The following GXYLT1 variants were observed in gnomAD, a reference collection of about 807,000 sequenced individuals.
GXYLT1 encodes glucoside xylosyltransferase 1.
In GXYLT1, 29 loss-of-function variants were observed where a neutral mutation model predicts 54.0. The observed-to-expected ratio is 0.54, with a 90% CI of 0.40 to 0.73. GXYLT1 has a LOEUF of 0.73. Ranked by LOEUF, GXYLT1 falls within the 30% of genes least tolerant of loss-of-function variation. GXYLT1 has a pLI of 0.00. For synonymous variants in GXYLT1, 176 were observed against 204.1 expected, an observed-to-expected ratio of 0.86 and a Z score of 1.17; for missense variants, 490 against 553.4, an observed-to-expected ratio of 0.89 and a Z score of 1.15.
At chr12:42,132,218 G>A (rs962257402) in intron 1 of GXYLT1, among the ~76,000 whole-genome samples, 1 of 152,088 alleles carries the variant, frequency 6.6e-6, no homozygotes, top group Non-Finnish European at 1.5e-5. Flanking sequence ...CCCATACCCA[G>A]TTAATCAAGA....
At chr12:42,117,399 A>T (rs1592116524) in intron 3 of GXYLT1, among the ~76,000 whole-genome samples, 16 of 151,898 alleles carry the variant, frequency 1.1e-4, no homozygotes, top group Admixed American at 9.8e-4. Context: ...TATACCACTT[A>T]TAACAGTAAG....
rs1257087992 is a variant in GXYLT1 at position 42,144,460 on chromosome 12, C to T, written c.187G>A (p.Ala63Thr). 4.7e-6 allele frequency: 6 copies of T among 1,278,360 alleles called. No individual in the cohort carries two copies. The highest frequency in any genetic ancestry group is 8.4e-5 in the Admixed American group (2 of 23,882). The allele number at this position is 1,278,360 out of a possible 1,614,324, so 79.2% of individuals were successfully genotyped here. ...GRGAVRGAGV[A>T]GPAAHPGVSD... ...ACGCCGGGATGCGCTGCGGGGCCCGCGACGCCGGCGCCTCTCACGGCGCCG... is the reference window on the plus strand; with the variant it reads ...ACGCCGGGATGCGCTGCGGGGCCCGTGACGCCGGCGCCTCTCACGGCGCCG... Residue 63 changes from alanine (A) to threonine (T), a missense_variant, in exon 1 of 8, where the codon GCG (alanine) becomes ACG (threonine). Transcript: ENST00000398675.
chr12:42,106,731 ATTATTATT>A (rs796495651), intron 4 of GXYLT1, among the ~76,000 whole-genome samples: 21 of 145,284 alleles, frequency 1.4e-4, no homozygotes, highest in African/African-American at 5.1e-4. Context: ...AAGGATAATT[ATTATTATT>A]TTTCTTTTTT....
At chr12:42,144,251 G>C (rs1397633873) in intron 1 of GXYLT1, among the ~76,000 whole-genome samples, 175 bp downstream of exon 1, 1 of 152,178 alleles carries the variant, frequency 6.6e-6, no homozygotes, top group Non-Finnish European at 1.5e-5. Flanking sequence ...TCTCAGGCGG[G>C]AGCAGCGCAG....
chr12:42,142,485 A>G (rs2065657269), intron 1 of GXYLT1, among the ~76,000 whole-genome samples: 1 of 151,966 alleles, frequency 6.6e-6, no homozygotes, highest in South Asian at 2.1e-4. Flanking sequence ...TACAGGTGTG[A>G]AACACCACAT....
chr12:42,122,019 AAAT>A (rs1204009610), intron 2 of GXYLT1, among the ~76,000 whole-genome samples: 1 of 152,212 alleles, frequency 6.6e-6, no homozygotes, highest in Non-Finnish European at 1.5e-5. Flanking sequence ...GCAGTCATTC[AAAT>A]AATGTTGGCC....
At chr12:42,131,475 GTGGTTTTTAAAATGC>G (rs2065593707) in intron 1 of GXYLT1, among the ~76,000 whole-genome samples, 1 of 152,164 alleles carries the variant, frequency 6.6e-6, no homozygotes, top group Non-Finnish European at 1.5e-5. Context: ...TCTGGCACTG[GTGGTTTTTAAAATGC>G]TGCCTAAGTA....
At chr12:42,142,503 A>AT (rs889744634) in intron 1 of GXYLT1, among the ~76,000 whole-genome samples, 10 of 148,770 alleles carry the variant, frequency 6.7e-5, no homozygotes, top group African/African-American at 1.2e-4. Flanking sequence ...CATTCAGTTA[A>AT]TTTTTTTTTA....
chr12:42,117,711 T>G (rs2065505379), intron 3 of GXYLT1, among the ~76,000 whole-genome samples: 1 of 152,146 alleles, frequency 6.6e-6, no homozygotes, highest in South Asian at 2.1e-4. Context: ...AGATTTCAGG[T>G]GAGTTTTCTT....
In GXYLT1 at chr12:42,138,584, G is replaced by C. The variant is rs191815432; in HGVS notation, c.221+5842C>G. Among the ~76,000 whole-genome samples the C allele has an allele frequency of 6.6e-5, 10 of 152,100 alleles. No individual in the cohort carries two copies. The South Asian group carries it at 1.9e-3, about 28-fold the overall frequency. ...AGAAAGCTTTCCTATGCGTAATAAA[G>C]GTAAACACGATAAAGTAAAAAGTAG... is the stretch of plus-strand genomic sequence containing the variant. On this transcript the variant is annotated intron_variant, in intron 1 of 7. Coordinates refer to ENST00000398675, the MANE Select transcript of GXYLT1 (RefSeq NM_173601.2).
intron 3 of GXYLT1, among the ~76,000 whole-genome samples, chr12:42,115,020 A>G (rs2065484581): frequency 6.6e-6 from 1 of 152,238 alleles, no homozygotes; most frequent in Admixed American, 6.5e-5. Context: ...ATAGAACCAA[A>G]GACAAAAACC....
chr12:42,098,206 A>G (rs952190566), intron 5 of GXYLT1, among the ~76,000 whole-genome samples, 173 bp from the exon 6 acceptor site: 1 of 152,198 alleles, frequency 6.6e-6, no homozygotes, highest in African/African-American at 2.4e-5. Context: ...GCTGTACAGT[A>G]AAACAGAAGA....
intron 5 of GXYLT1, among the ~76,000 whole-genome samples, chr12:42,099,007 A>AT (rs2065374463): frequency 6.6e-6 from 1 of 152,008 alleles, no homozygotes; most frequent in Non-Finnish European, 1.5e-5. Flanking sequence ...AGTCTAGCAG[A>AT]TGTATGCAGT....
chr12:42,096,687 C>T (rs911158878), intron 7 of GXYLT1, among the ~76,000 whole-genome samples: 3 of 152,142 alleles, frequency 2.0e-5, no homozygotes, highest in Non-Finnish European at 4.4e-5. Flanking sequence ...ACGATAGATG[C>T]TAAATCTTGT....
In GXYLT1 at chr12:42,144,261, GGTTTAGCCCC is replaced by G. The variant is rs773815008; in HGVS notation, c.221+155_221+164del. ...GACACTCTCAGGCGGGAGCAGCGCA[GGTTTAGCCCC>G]GGCCGGAGGGGAAGGAGGGAAATGA... is the stretch of plus-strand genomic sequence containing the variant. On this transcript the variant is annotated intron_variant, in intron 1 of 7. Coordinates refer to ENST00000398675, the MANE Select transcript of GXYLT1 (RefSeq NM_173601.2). 6.5e-3 allele frequency among the ~76,000 whole-genome samples: 995 copies of G among 152,296 alleles called. 5 individuals carry two copies. The highest frequency in any genetic ancestry group is 8.7e-3 in the Non-Finnish European group (595 of 68,004).
intron 2 of GXYLT1, 53 bp downstream of exon 2, chr12:42,129,706 C>T (rs956666399): frequency 5.6e-5 from 60 of 1,064,206 alleles, no homozygotes; most frequent in Non-Finnish European, 7.8e-5. Context: ...GTTTTATTAT[C>T]AACTATCTAA....
At chr12:42,142,838 T>A (rs944037569) in intron 1 of GXYLT1, among the ~76,000 whole-genome samples, 4 of 152,270 alleles carry the variant, frequency 2.6e-5, no homozygotes, top group African/African-American at 9.6e-5. Flanking sequence ...ATGCTGTTCT[T>A]CATCACATTT....
At chr12:42,113,656 G>T (rs2065473592) in intron 3 of GXYLT1, among the ~76,000 whole-genome samples, 1 of 150,838 alleles carries the variant, frequency 6.6e-6, no homozygotes, top group Admixed American at 6.6e-5. Flanking sequence ...CCTACAAAGA[G>T]ACTTAGACTC....
At chr12:42,107,119 T>C (rs765710985) in intron 4 of GXYLT1, among the ~76,000 whole-genome samples, 1 of 152,188 alleles carries the variant, frequency 6.6e-6, no homozygotes, top group Non-Finnish European at 1.5e-5. Flanking sequence ...ATTTACCGCC[T>C]ATCCTGGTTT....
Sources: allele counts gnomAD v4.1 joint callset (sites outside exome capture counted in the v4.1 genomes callset), GRCh38; gene constraint gnomAD v4.1.1; transcripts MANE v1.5; gene names NCBI Gene and HGNC (gene_info 2026-07-23, HGNC 2026-07-21).